Variants in RIMS1 observed in about 807,000 individuals in gnomAD.
The protein encoded by RIMS1 is regulating synaptic membrane exocytosis protein 1.
In RIMS1, 83 loss-of-function variants were observed where a neutral mutation model predicts 214.1. The observed-to-expected ratio is 0.39, with a 90% CI of 0.32 to 0.47. The LOEUF (loss-of-function observed/expected upper bound fraction) is 0.47. RIMS1 is among the 20% of genes least tolerant of loss of function. The probability of loss-of-function intolerance (pLI) is 0.99; values close to 1 mark genes in which losing one functional copy is unlikely to be tolerated. For synonymous variants in RIMS1, 793 were observed against 786.8 expected, an observed-to-expected ratio of 1.01 and a Z score of -0.13; for missense variants, 2,050 against 2,161.8, an observed-to-expected ratio of 0.95 and a Z score of 1.03.
At chr6:72,195,236 A>G (rs1444746485) in intron 6 of RIMS1, among the ~76,000 whole-genome samples, 1 of 152,194 alleles carries the variant, frequency 6.6e-6, no homozygotes. Context: ...GCTGACTTTC[A>G]GTAAACTGAG....
At chr6:72,246,069 AT>A (rs1220771436) in intron 11 of RIMS1, among the ~76,000 whole-genome samples, 4 of 152,098 alleles carry the variant, frequency 2.6e-5, no homozygotes. Context: ...TTTTTATGTG[AT>A]TAAAAAAAAA....
chr6:72,292,495 GA>G (rs889771368), intron 26 of RIMS1, among the ~76,000 whole-genome samples: 26 of 151,910 alleles, frequency 1.7e-4, no homozygotes, highest in Non-Finnish European at 3.2e-4. Context: ...GTTTGATGAT[GA>G]AAAAAATGAC....
chr6:72,116,695 A>G (rs2037155009), intron 4 of RIMS1, among the ~76,000 whole-genome samples: 1 of 152,046 alleles, frequency 6.6e-6, no homozygotes, highest in Non-Finnish European at 1.5e-5. Context: ...AGCCATAGAT[A>G]ATACAAATAG....
At chr6:71,911,494 T>G (rs979129170) in intron 1 of RIMS1, among the ~76,000 whole-genome samples, 1 of 152,166 alleles carries the variant, frequency 6.6e-6, no homozygotes, top group Non-Finnish European at 1.5e-5. Context: ...ATTGTCCTTG[T>G]GGTCACTTGG....
At chr6:72,052,928 A>C (rs1825122939) in intron 2 of RIMS1, among the ~76,000 whole-genome samples, 1 of 152,196 alleles carries the variant, frequency 6.6e-6, no homozygotes, top group Admixed American at 6.5e-5. Context: ...TCTGAGTGAG[A>C]GGATCCCTGC....
chr6:72,165,812 C>A (rs1172532382), intron 4 of RIMS1, among the ~76,000 whole-genome samples: 1 of 152,044 alleles, frequency 6.6e-6, no homozygotes, highest in Admixed American at 6.5e-5. Flanking sequence ...CCAAAAGGAA[C>A]CATGATGGGA....
At chr6:72,245,998 C>T (rs551192727) in intron 11 of RIMS1, 137 bp downstream of exon 11, 2 of 559,410 alleles carry the variant, frequency 3.6e-6, no homozygotes, top group South Asian at 5.8e-5. Context: ...TAGATGTTGG[C>T]AATGATGGCA....
intron 2 of RIMS1, among the ~76,000 whole-genome samples, chr6:72,001,887 G>T (rs145136866): frequency 3.0e-4 from 45 of 152,276 alleles, no homozygotes; most frequent in African/African-American, 1.0e-3. Context: ...CCACAAAATA[G>T]ATAAGTAAAT....
intron 1 of RIMS1, among the ~76,000 whole-genome samples, 191 bp downstream of exon 1, chr6:71,887,378 G>A (rs1463586947): frequency 2.6e-5 from 4 of 152,160 alleles, no homozygotes; most frequent in Non-Finnish European, 5.9e-5. Context: ...GGAGGAGGGA[G>A]GGGATATGCC....
chr6:72,201,209 T>C (rs2153992570), intron 6 of RIMS1, among the ~76,000 whole-genome samples: 1 of 152,320 alleles, frequency 6.6e-6, no homozygotes, highest in East Asian at 1.9e-4. Context: ...AGAAACTAAA[T>C]TAACATCAGG....
intron 4 of RIMS1, among the ~76,000 whole-genome samples, chr6:72,153,612 T>C (rs555352308): frequency 6.6e-6 from 1 of 152,278 alleles, no homozygotes; most frequent in East Asian, 1.9e-4. Context: ...TACTGCATTA[T>C]ATAATAATCA....
chr6:72,197,014 C>T lies in RIMS1; in HGVS notation c.1678+13865C>T, dbSNP rs372304126. Among the ~76,000 whole-genome samples the T allele has an allele frequency of 4.6e-5, 7 of 152,160 alleles. No homozygotes were observed. The East Asian group carries it at 9.7e-4, about 21-fold the overall frequency. ...TTTATTGCCTTGCACACACTAAAGG[C>T]CCAAGATTTAAATCCTAGGTAAATA... On this transcript the variant is annotated intron_variant, in intron 6 of 33. Transcript: ENST00000521978.
chr6:72,188,645 C>T (rs576298206), intron 6 of RIMS1, among the ~76,000 whole-genome samples: 1 of 152,288 alleles, frequency 6.6e-6, no homozygotes, highest in East Asian at 1.9e-4. Flanking sequence ...ATTTCCTTTG[C>T]CTTCTGCAAG....
Position 71,886,740 on chromosome 6 carries a change from C to A in RIMS1, c.-284C>A. 4.4e-6 allele frequency: 1 copy of A among 229,150 alleles called. No individual in the cohort carries two copies. The allele number at this position is 229,150 out of a possible 1,614,324, so 14.2% of individuals were successfully genotyped here. ...GCCTCCGCCTGCCCGCCCCCGCCGGCCGAGGCTGGGCTGCGGGAGGCGGCC... is the reference window on the plus strand; with the variant it reads ...GCCTCCGCCTGCCCGCCCCCGCCGGACGAGGCTGGGCTGCGGGAGGCGGCC... On this transcript the variant is annotated 5_prime_UTR_variant, in exon 1 of 34. Coordinates refer to ENST00000521978, the MANE Select transcript of RIMS1 (RefSeq NM_014989.7).
rs141247132 is a variant in RIMS1 at position 72,155,798 on chromosome 6, A to T, written c.472-23777A>T. On this transcript the variant is annotated intron_variant, in intron 4 of 33. Transcript: ENST00000521978. ...GTTCCTCCCATGACATGTGGGAATTATGGGAGTTACAACTCAAGATGAGAT... is the reference window on the plus strand; with the variant it reads ...GTTCCTCCCATGACATGTGGGAATTTTGGGAGTTACAACTCAAGATGAGAT... 2.2e-3 allele frequency among the ~76,000 whole-genome samples: 315 copies of T among 140,688 alleles called. 19 individuals carry two copies. Among genetic ancestry groups the T allele is most frequent in the Middle Eastern group, 7.0e-3 (2 of 284 alleles). The allele number at this position is 140,688 out of a possible 152,430, so 92.3% of individuals were successfully genotyped here. A position where few individuals can be genotyped will look rare whatever the true frequency, so the allele number is the denominator to read the frequency against.
chr6:72,317,149 G>A (rs542141764), intron 28 of RIMS1: 12 of 352,892 alleles, frequency 3.4e-5, no homozygotes, highest in Middle Eastern at 6.0e-4. Flanking sequence ...CACCAGTCCC[G>A]ACCAGGGTGC....
intron 1 of RIMS1, among the ~76,000 whole-genome samples, chr6:71,953,506 G>A (rs900264254): frequency 2.0e-5 from 3 of 152,062 alleles, no homozygotes; most frequent in Non-Finnish European, 4.4e-5. Context: ...CTTTAAGCAG[G>A]GGGGAAAAAG....
intron 27 of RIMS1, among the ~76,000 whole-genome samples, chr6:72,312,769 TTA>T (rs2095575310): frequency 6.6e-6 from 1 of 152,094 alleles, no homozygotes; most frequent in South Asian, 2.1e-4. Context: ...TTTTGAAAAG[TTA>T]TATATTTTTA....
chr6:71,968,393 G>A (rs1794998843), intron 1 of RIMS1, among the ~76,000 whole-genome samples: 1 of 151,618 alleles, frequency 6.6e-6, no homozygotes, highest in African/African-American at 2.4e-5. Context: ...ACATTTTGGA[G>A]GTATCTTTTC....
Sources: gnomAD v4.1 joint callset for allele counts (sites outside exome capture counted in the v4.1 genomes callset) on GRCh38, gnomAD v4.1.1 for gene constraint, MANE v1.5 for transcripts, NCBI Gene and HGNC (gene_info 2026-07-23, HGNC 2026-07-21) for gene names.